ANKRD28: variants seen among roughly 807,000 people sequenced by gnomAD.
ANKRD28 encodes ankyrin repeat domain 28.
Under a neutral mutation model 126.5 loss-of-function variants are expected in ANKRD28, and 44 were observed. The observed-to-expected ratio is 0.35, with a 90% CI of 0.27 to 0.45. The LOEUF (loss-of-function observed/expected upper bound fraction) is 0.45, where lower values mean the gene tolerates loss of function less well. ANKRD28 is among the 20% of genes least tolerant of loss of function. ANKRD28 has a pLI of 1.00. For missense variants in ANKRD28, 1,110 were observed against 1,316.6 expected, an observed-to-expected ratio of 0.84 and a Z score of 2.43; for synonymous variants, 442 against 468.5, an observed-to-expected ratio of 0.94 and a Z score of 0.73.
At chr3:15,711,427 A>G (rs1223130559) in intron 11 of ANKRD28, among the ~76,000 whole-genome samples, 153 bp from the exon 12 acceptor site, 1 of 152,210 alleles carries the variant, frequency 6.6e-6, no homozygotes, top group Non-Finnish European at 1.5e-5. Flanking sequence ...AGGCAATAGG[A>G]TACAATGGAG....
intron 18 of ANKRD28, 112 bp downstream of exon 18, chr3:15,689,903 GAAAA>G: frequency 2.8e-6 from 2 of 721,212 alleles, no homozygotes; most frequent in Non-Finnish European, 4.0e-6. Flanking sequence ...TATATGATTT[GAAAA>G]AAAAAAAGGT....
chr3:15,737,333 T>G, intron 4 of ANKRD28, 100 bp from the exon 5 acceptor site: 1 of 998,942 alleles, frequency 1.0e-6, no homozygotes. Context: ...TGTATCTACA[T>G]ATGAAGAAAA....
rs895867871 is a variant in ANKRD28, at chr3:15,843,510, TAAG to T, written c.27+15864_27+15866del. On this transcript the variant is annotated intron_variant, in intron 1 of 27. Transcript: ENST00000399451. The surrounding 1 kb of genome is among the most constrained non-coding windows in gnomAD (Gnocchi z 5.2). ...GGAGAAGTACAAAAAAAATGAAAAA[TAAG>T]AGATAAACAATACACCTCAATTTCA... Among the ~76,000 whole-genome samples, 1 of 149,486 alleles carries T rather than the reference TAAG, an allele frequency of 6.7e-6. No homozygotes were observed. Among genetic ancestry groups the T allele is most frequent in the African/African-American group, 2.5e-5 (1 of 40,518 alleles).
intron 14 of ANKRD28, 22 bp from the exon 15 acceptor site, chr3:15,696,267 T>A: frequency 4.2e-6 from 6 of 1,412,246 alleles, no homozygotes; most frequent in East Asian, 2.4e-5. Context: ...AACAACAACA[T>A]ACTGAAAATC....
rs189759657 is a variant in ANKRD28 at position 15,845,625 on chromosome 3, C to T, written c.27+13752G>A. Among the ~76,000 whole-genome samples the T allele has an allele frequency of 2.0e-4, 30 of 152,326 alleles. No individual in the cohort carries two copies. In the East Asian group the frequency reaches 3.3e-3, roughly 17 times the overall value. The stretch of plus-strand genomic sequence containing the variant: ...ACTCTGATGCTGAAGTCTGCTTATA[C>T]ATCCTTTAAAAGCCAGCTGTTGTTA... On this transcript the variant is annotated intron_variant, in intron 1 of 27. Coordinates refer to the ANKRD28 transcript ENST00000399451. The surrounding 1 kb of genome is among the most constrained non-coding windows in gnomAD (Gnocchi z 4.9).
In ANKRD28 at chr3:15,815,024, C is replaced by G. The variant is rs1335914247; in HGVS notation, c.28-19718G>C. ...AACACCCTGAATATGACATTCCATT[C>G]AAAAATACTGTATTTAATTTCCTAA... On this transcript the variant is annotated intron_variant, in intron 1 of 27. Transcript: ENST00000399451. The surrounding 1 kb of genome is among the most constrained non-coding windows in gnomAD (Gnocchi z 4.1). Among the ~76,000 whole-genome samples the G allele has an allele frequency of 6.6e-6, 1 of 151,294 alleles. No individual in the cohort carries two copies. Among genetic ancestry groups the G allele is most frequent in the African/African-American group, 2.4e-5 (1 of 41,288 alleles).
intron 1 of ANKRD28, among the ~76,000 whole-genome samples, chr3:15,851,914 T>C (rs1428883571): frequency 6.6e-6 from 1 of 152,210 alleles, no homozygotes; most frequent in Non-Finnish European, 1.5e-5. Context: ...AAATATGGTA[T>C]ATCCATACAA....
chr3:15,835,873 G>T (rs2345738), intron 1 of ANKRD28, among the ~76,000 whole-genome samples: 110,360 of 152,054 alleles, frequency 0.73, 40,285 homozygotes, highest in East Asian at 0.93. Context: ...TGAATCCACA[G>T]GAAGAAATAA....
chr3:15,782,358 A>G (rs1009072510), intron 2 of ANKRD28, among the ~76,000 whole-genome samples: 1 of 152,148 alleles, frequency 6.6e-6, no homozygotes, highest in Non-Finnish European at 1.5e-5. Context: ...ATTAGGACAA[A>G]AAATTATAAA....
chr3:15,751,827 C>A lies in ANKRD28; in HGVS notation c.281-7G>T. 2 of 1,540,716 alleles carry A rather than the reference C, an allele frequency of 1.3e-6. No individual in the cohort carries two copies. The highest frequency in any genetic ancestry group is 8.8e-7 in the Non-Finnish European group (1 of 1,139,234). The stretch of plus-strand genomic sequence containing the variant: ...TTGGCATTAACTCTAGCTCCTGCAA[C>A]AAGAAGAAAAAAATAAATTGAAATA... On this transcript the variant is annotated splice_region_variant and splice_polypyrimidine_tract_variant and intron_variant, in intron 3 of 27. Coordinates refer to ENST00000683139, the MANE Select transcript of ANKRD28 (RefSeq NM_001349278.2).
At chr3:15,682,948 C>T (rs2067694112) in intron 21 of ANKRD28, among the ~76,000 whole-genome samples, 2 of 152,260 alleles carry the variant, frequency 1.3e-5, no homozygotes, top group East Asian at 3.9e-4. Flanking sequence ...TAAATGGCAA[C>T]CAGGCATGCA....
chr3:15,686,612 G>C (rs931901569), intron 18 of ANKRD28, among the ~76,000 whole-genome samples: 5 of 152,194 alleles, frequency 3.3e-5, no homozygotes, highest in Admixed American at 1.3e-4. Flanking sequence ...GTCAGGAAGA[G>C]TGCCTTGACT....
chr3:15,690,978 C>G (rs1253833029), intron 17 of ANKRD28, among the ~76,000 whole-genome samples: 2 of 152,158 alleles, frequency 1.3e-5, no homozygotes, highest in African/African-American at 4.8e-5. Flanking sequence ...ACTGACCATA[C>G]CCACCCCATA....
At chr3:15,847,785 T>C (rs958777074) in intron 1 of ANKRD28, among the ~76,000 whole-genome samples, 1 of 152,242 alleles carries the variant, frequency 6.6e-6, no homozygotes, top group Non-Finnish European at 1.5e-5. Flanking sequence ...TCCACCTGCC[T>C]CCAGCTTCAC....
At chr3:15,741,091 T>C (rs1031140490) in intron 4 of ANKRD28, among the ~76,000 whole-genome samples, 1 of 151,726 alleles carries the variant, frequency 6.6e-6, no homozygotes, top group East Asian at 1.9e-4. Flanking sequence ...CCCAGCTACC[T>C]GGGAGGCTGA....
At chr3:15,767,933 C>G (rs1314495731) in intron 2 of ANKRD28, among the ~76,000 whole-genome samples, 1 of 151,738 alleles carries the variant, frequency 6.6e-6, no homozygotes, top group Non-Finnish European at 1.5e-5. Flanking sequence ...CAAAACTACT[C>G]TAGAAAGGGG....
At position 15,679,762 on chromosome 3, in the gene ANKRD28, C is replaced by T. The variant is rs944209472; in HGVS notation, c.2390-199G>A. Among the ~76,000 whole-genome samples, 4 of 152,186 alleles carry T rather than the reference C, an allele frequency of 2.6e-5. 1 individual carries two copies. Among genetic ancestry groups the T allele is most frequent in the Admixed American group, 1.3e-4 (2 of 15,282 alleles). On this transcript the variant is annotated intron_variant, in intron 21 of 27. Coordinates refer to ENST00000683139, the MANE Select transcript of ANKRD28 (RefSeq NM_001349278.2). ...AAATTTCTAGGCATATACAACTGCA[C>T]GCACAAAATACATACAGTTGGCTCT... is the stretch of plus-strand genomic sequence containing the variant.
intron 6 of ANKRD28, among the ~76,000 whole-genome samples, chr3:15,730,288 G>A (rs1388205903): frequency 6.6e-6 from 1 of 152,228 alleles, no homozygotes; most frequent in Non-Finnish European, 1.5e-5. Context: ...AAGGGACCTT[G>A]ACAAAGGTTG....
At chr3:15,745,951 T>G (rs920650269) in intron 4 of ANKRD28, among the ~76,000 whole-genome samples, 1 of 152,192 alleles carries the variant, frequency 6.6e-6, no homozygotes, top group Non-Finnish European at 1.5e-5. Context: ...CCTAGCTATT[T>G]TACTGTTTTT....
Sources: allele counts gnomAD v4.1 joint callset (sites outside exome capture counted in the v4.1 genomes callset), GRCh38; gene constraint gnomAD v4.1.1; non-coding constraint Gnocchi (gnomAD v3.1); transcripts MANE v1.5; gene names NCBI Gene and HGNC (gene_info 2026-07-23, HGNC 2026-07-21).